The following IGLON5 variants were observed in gnomAD, a reference collection of about 807,000 sequenced individuals.
IGLON5 encodes IgLON family member 5.
IGLON5 carries 16 observed loss-of-function variants against 38.2 expected under a neutral mutation model. The ratio of observed to expected loss-of-function variants is 0.42; its 90% CI spans 0.28 to 0.64. IGLON5 has a LOEUF of 0.64. IGLON5 is among the 30% of genes least tolerant of loss of function. The probability of loss-of-function intolerance (pLI) is 0.23; values close to 1 mark genes in which losing one functional copy is unlikely to be tolerated. For synonymous variants in IGLON5, 207 were observed against 216.4 expected (o/e 0.96, Z 0.38); for missense variants, 366 against 483.4 (o/e 0.76, Z 2.28).
Position 51,330,524 on chromosome 19 carries a change from C to T in IGLON5, c.*1765C>T, listed in dbSNP as rs577431706. ...CCTGTGATTGGCCGAAGACACCCAG[C>T]ATAGCCCATTTCCCACCGTGATTGG... On this transcript the variant is annotated 3_prime_UTR_variant, in exon 8 of 8. Transcript: ENST00000270642. Among the ~76,000 whole-genome samples the T allele has an allele frequency of 6.6e-6, 1 of 152,202 alleles. No homozygotes were observed. Among genetic ancestry groups the T allele is most frequent in the Non-Finnish European group, 1.5e-5 (1 of 68,036 alleles).
rs1415705209 is a variant in IGLON5 at position 51,327,035 on chromosome 19, T to A, written c.647-45T>A. On this transcript the variant is annotated intron_variant, in intron 5 of 7. Coordinates refer to ENST00000270642, the MANE Select transcript of IGLON5 (RefSeq NM_001101372.3). The surrounding 1 kb of genome is among the most constrained non-coding windows in gnomAD (Gnocchi z 7.1). Reference sequence around the variant, plus strand: ...GGGGGCTGGGGGCGGGACCCCTTCGTCCCCACGCGGCTAGGAGAATTCGCT... The same window carrying A: ...GGGGGCTGGGGGCGGGACCCCTTCGACCCCACGCGGCTAGGAGAATTCGCT... 1 of 1,598,616 alleles carries A rather than the reference T, an allele frequency of 6.3e-7. No homozygotes were observed. Among genetic ancestry groups the A allele is most frequent in the Non-Finnish European group, 8.5e-7 (1 of 1,173,530 alleles).
chr19:51,315,084 A>G (rs942473314), intron 1 of IGLON5, among the ~76,000 whole-genome samples: 48 of 152,156 alleles, frequency 3.2e-4, no homozygotes, highest in African/African-American at 1.0e-3. Flanking sequence ...ATATTCATCT[A>G]TCTTCAATTC....
chr19:51,313,134 G>C (rs1351195717), intron 1 of IGLON5, among the ~76,000 whole-genome samples: 1 of 152,180 alleles, frequency 6.6e-6, no homozygotes. Flanking sequence ...GCAGACACCA[G>C]TCACACAAAC....
rs1173015635 is a variant in IGLON5, at chr19:51,323,710, C to T, written c.207C>T (p.Ser69=). The part of the protein sequence containing the change: ...HVTRVAWLNR[S]NILYAGNDRW... ...CCCGCGTGGCCTGGCTGAACCGCTCCAACATCCTGTATGCCGGCAATGACC... is the reference window on the plus strand; with the variant it reads ...CCCGCGTGGCCTGGCTGAACCGCTCTAACATCCTGTATGCCGGCAATGACC... The change falls in exon 3 of 8, where the codon TCC becomes TCT. Residue 69 remains serine (S), a synonymous_variant. Coordinates refer to ENST00000270642, the MANE Select transcript of IGLON5 (RefSeq NM_001101372.3). 1 of 1,613,796 alleles carries T rather than the reference C, an allele frequency of 6.2e-7. No homozygotes were observed. The highest frequency in any genetic ancestry group is 1.7e-5 in the Admixed American group (1 of 60,002).
rs368258506 is a variant in IGLON5, at chr19:51,327,480, C to A, written c.768-252C>A. On this transcript the variant is annotated intron_variant, in intron 6 of 7. Transcript: ENST00000270642. The surrounding 1 kb of genome is among the most constrained non-coding windows in gnomAD (Gnocchi z 7.1). ...GATCTGTCGGGCAAGATTTAGGGGA[C>A]CAGCAGAGTTCAGGAGTCCCTAACG... Among the ~76,000 whole-genome samples, 21 of 152,200 alleles carry A rather than the reference C, an allele frequency of 1.4e-4. 1 individual carries two copies. In the South Asian group the frequency reaches 4.4e-3, roughly 32 times the overall value.
At chr19:51,328,591 A>T in intron 7 of IGLON5, 80 bp from the exon 8 acceptor site, 1 of 794,054 alleles carries the variant, frequency 1.3e-6, no homozygotes, top group South Asian at 2.0e-5. Context: ...GTGGGCTCAG[A>T]AGAGATGGGG....
intron 1 of IGLON5, 36 bp downstream of exon 1, chr19:51,311,962 A>C: frequency 8.5e-7 from 1 of 1,176,054 alleles, no homozygotes; most frequent in African/African-American, 1.6e-5. Context: ...CTCGGCCGGG[A>C]CGCCAGGGTC....
chr19:51,312,607 T>TG (rs1248188210), intron 1 of IGLON5, among the ~76,000 whole-genome samples: 1 of 151,900 alleles, frequency 6.6e-6, no homozygotes, highest in Admixed American at 6.6e-5. Context: ...TACAGGAAGT[T>TG]GGGGTGCTGG....
chr19:51,321,164 T>C (rs979209016), intron 1 of IGLON5, among the ~76,000 whole-genome samples: 1 of 152,180 alleles, frequency 6.6e-6, no homozygotes, highest in East Asian at 1.9e-4. Context: ...CATATGTATA[T>C]GTATCTATGG....
At position 51,328,978 on chromosome 19, in the gene IGLON5, C is replaced by G; in HGVS notation, c.*219C>G. On this transcript the variant is annotated 3_prime_UTR_variant, in exon 8 of 8. Transcript: ENST00000270642. ...AATTATGCATCTTTCTACAGCCATT[C>G]TCGCCACCCGTTCACGTTTCCGATT... is the stretch of plus-strand genomic sequence containing the variant. 1 of 480,204 alleles carries G rather than the reference C, an allele frequency of 2.1e-6. No individual in the cohort carries two copies. Among genetic ancestry groups the G allele is most frequent in the South Asian group, 3.0e-5 (1 of 32,796 alleles). The allele number at this position is 480,204 out of a possible 1,614,324, so 29.7% of individuals were successfully genotyped here.
intron 7 of IGLON5, 69 bp from the exon 8 acceptor site, chr19:51,328,602 C>A (rs1985273630): frequency 4.1e-6 from 4 of 987,038 alleles, no homozygotes; most frequent in Non-Finnish European, 1.5e-6. Flanking sequence ...AGAGATGGGG[C>A]CCCTGGAGAG....
rs564791855 is a variant in IGLON5, at chr19:51,312,455, G to T, written c.79+529G>T. 3.3e-5 allele frequency among the ~76,000 whole-genome samples: 5 copies of T among 152,236 alleles called. No individual in the cohort carries two copies. The South Asian group carries it at 8.3e-4, about 25-fold the overall frequency. ...CTTCCCAGGGTCAGTAAGAGGAGGG[G>T]ACAAGGGTGTCCACAGACCTAGTCC... On this transcript the variant is annotated intron_variant, in intron 1 of 7. Coordinates refer to ENST00000270642, the MANE Select transcript of IGLON5 (RefSeq NM_001101372.3).
At chr19:51,313,676 TTTCTTTCTTTCTTTCTTTC>T (rs763963335) in intron 1 of IGLON5, among the ~76,000 whole-genome samples, 2,306 of 85,020 alleles carry the variant, frequency 0.027, 55 homozygotes, top group Non-Finnish European at 0.036. Flanking sequence ...TCTTTCTTTC[TTTCTTTCTTTCTTTCTTTC>T]TTCTTTCTTC....
chr19:51,311,914 G>A lies in IGLON5; in HGVS notation c.67G>A (p.Val23Ile). The A allele has an allele frequency of 7.3e-7, 1 of 1,360,738 alleles. No individual in the cohort carries two copies. Among genetic ancestry groups the A allele is most frequent in the South Asian group, 1.7e-5 (1 of 58,972 alleles). The allele number at this position is 1,360,738 out of a possible 1,614,324, so 84.3% of individuals were successfully genotyped here. ...CGCCGCCGCCCTGGCCGGCTTGGCCGTCATCAGCCGAGGTACCGCAGCGCC... is the reference window on the plus strand; with the variant it reads ...CGCCGCCGCCCTGGCCGGCTTGGCCATCATCAGCCGAGGTACCGCAGCGCC... ...LAAAALAGLA[V>I]ISRGLLSQSL... Residue 23 changes from valine (V) to isoleucine (I), a missense_variant, in exon 1 of 8, where the codon GTC becomes ATC. Val to Ile is a conservative substitution (Grantham distance 29, BLOSUM62 3). Coordinates refer to ENST00000270642, the MANE Select transcript of IGLON5 (RefSeq NM_001101372.3).
In IGLON5 at chr19:51,324,313, C is replaced by A. The variant is rs1985159749; in HGVS notation, c.391+419C>A. 6.6e-6 allele frequency among the ~76,000 whole-genome samples: 1 copy of A among 152,100 alleles called. No homozygotes were observed. Among genetic ancestry groups the A allele is most frequent in the Non-Finnish European group, 1.5e-5 (1 of 68,028 alleles). On this transcript the variant is annotated intron_variant, in intron 3 of 7. Transcript: ENST00000270642. The surrounding 1 kb of genome is among the most constrained non-coding windows in gnomAD (Gnocchi z 4.2). Reference sequence around the variant, plus strand: ...CTTTGGCTGGGCACAGGGCTAAGACCGGAAAAGAAACAGTGTGTGCAGGGC... The same window carrying A: ...CTTTGGCTGGGCACAGGGCTAAGACAGGAAAAGAAACAGTGTGTGCAGGGC...
At chr19:51,320,010 G>A (rs1985013898) in intron 1 of IGLON5, among the ~76,000 whole-genome samples, 1 of 149,458 alleles carries the variant, frequency 6.7e-6, no homozygotes, top group African/African-American at 2.5e-5. Context: ...AGGTCTCCGT[G>A]CCTTGTCCAA....
At position 51,330,758 on chromosome 19, in the gene IGLON5, C is replaced by T. The variant is rs1351764281; in HGVS notation, c.*1999C>T. On this transcript the variant is annotated 3_prime_UTR_variant, in exon 8 of 8. Coordinates refer to ENST00000270642, the MANE Select transcript of IGLON5 (RefSeq NM_001101372.3). Reference sequence around the variant, plus strand: ...ATGGAGCCTGAGAAGGATAGGAACACTGTGAAGGGCAGAGTGGAAACCTTA... The same window carrying T: ...ATGGAGCCTGAGAAGGATAGGAACATTGTGAAGGGCAGAGTGGAAACCTTA... 6.6e-6 allele frequency among the ~76,000 whole-genome samples: 1 copy of T among 152,084 alleles called. No homozygotes were observed.
At chr19:51,319,426 T>C (rs1985002183) in intron 1 of IGLON5, among the ~76,000 whole-genome samples, 1 of 152,132 alleles carries the variant, frequency 6.6e-6, no homozygotes, top group Admixed American at 6.5e-5. Flanking sequence ...AGTGTTGCTG[T>C]CTTGTTACAC....
chr19:51,318,880 G>A (rs1984985209), intron 1 of IGLON5, among the ~76,000 whole-genome samples: 1 of 152,214 alleles, frequency 6.6e-6, no homozygotes, highest in African/African-American at 2.4e-5. Context: ...ACCTTGGACA[G>A]CTCCCTCTTC....
Sources: gnomAD v4.1 joint callset for allele counts (sites outside exome capture counted in the v4.1 genomes callset) on GRCh38, gnomAD v4.1.1 for gene constraint, Gnocchi (gnomAD v3.1) non-coding constraint, MANE v1.5 for transcripts, NCBI Gene and HGNC (gene_info 2026-07-23, HGNC 2026-07-21) for gene names.